ST8SIA2: variants seen among roughly 807,000 people sequenced by gnomAD.
ST8SIA2 encodes the protein alpha-2,8-sialyltransferase 8B.
ST8SIA2 carries 22 observed loss-of-function variants against 37.6 expected under a neutral mutation model. That is an observed-to-expected ratio of 0.58 (90% confidence interval 0.42 to 0.83). The LOEUF is 0.83. Ranked by LOEUF, ST8SIA2 falls within the 40% of genes least tolerant of loss-of-function variation. The pLI is 0.00. For missense variants in ST8SIA2, 382 were observed against 484.7 expected (o/e 0.79, Z 1.99); for synonymous variants, 205 against 201.2 (o/e 1.02, Z -0.16).
chr15:92,445,557 T>C (rs1317525210), intron 5 of ST8SIA2, among the ~76,000 whole-genome samples: 1 of 152,196 alleles, frequency 6.6e-6, no homozygotes. Context: ...AAGGAGCGTC[T>C]CTTAGGATAT....
At chr15:92,437,429 G>C (rs1017126859) in intron 3 of ST8SIA2, among the ~76,000 whole-genome samples, 3 of 152,146 alleles carry the variant, frequency 2.0e-5, no homozygotes. Context: ...TCCTTTCTTT[G>C]TGCTTTGCTA....
At chr15:92,416,772 G>C (rs770294350) in intron 1 of ST8SIA2, among the ~76,000 whole-genome samples, 6 of 152,056 alleles carry the variant, frequency 3.9e-5, no homozygotes, top group Non-Finnish European at 7.4e-5. Context: ...GTGATCTTCG[G>C]ATGTGCCTCT....
chr15:92,462,550 G>GA (rs1420678924), intron 5 of ST8SIA2, among the ~76,000 whole-genome samples: 5 of 152,162 alleles, frequency 3.3e-5, no homozygotes, highest in African/African-American at 1.2e-4. Context: ...TCATCTTTCA[G>GA]CAATATGTAA....
At chr15:92,421,073 C>T (rs2049630047) in intron 1 of ST8SIA2, 1 of 152,192 alleles carries the variant, frequency 6.6e-6, no homozygotes, top group African/African-American at 2.4e-5. Context: ...AGAAGTGCTG[C>T]TTGCTGTCTG....
At chr15:92,434,933 CTCTCGTCCTGA>C (rs1343838633) in intron 3 of ST8SIA2, among the ~76,000 whole-genome samples, 9 of 152,314 alleles carry the variant, frequency 5.9e-5, no homozygotes, top group African/African-American at 2.2e-4. Flanking sequence ...CAGAGAGCAG[CTCTCGTCCTGA>C]TCTGTGCAGA....
In ST8SIA2 at chr15:92,442,405, GGAGTATATTT is replaced by G. The variant is rs142535540; in HGVS notation, c.549-2230_549-2221del. On this transcript the variant is annotated intron_variant, in intron 4 of 5. Transcript: ENST00000268164. ...CCCAGACTGGCCAACATTGCAGTTG[GGAGTATATTT>G]CCTGCTTCACCCCTCGTGAGCCGCC... Among the ~76,000 whole-genome samples, 1,404 of 152,228 alleles carry G rather than the reference GGAGTATATTT, an allele frequency of 9.2e-3. 23 individuals carry two copies. Among genetic ancestry groups the G allele is most frequent in the African/African-American group, 0.032 (1,334 of 41,526 alleles).
In ST8SIA2 at chr15:92,417,718, C is replaced by T. The variant is rs117068420; in HGVS notation, c.99-12331C>T. ...AAGGAAAAATGACATCTGAGGTTAA[C>T]AATGTATCTGCAGTGCAAGGCCCAG... is the stretch of plus-strand genomic sequence containing the variant. On this transcript the variant is annotated intron_variant, in intron 1 of 5. Coordinates refer to ENST00000268164, the MANE Select transcript of ST8SIA2 (RefSeq NM_006011.4). 26 of 152,278 alleles carry T rather than the reference C, an allele frequency of 1.7e-4. No homozygotes were observed. The East Asian group carries it at 4.4e-3, about 26-fold the overall frequency. The allele number at this position is 152,278 out of a possible 1,614,324, so 9.4% of individuals were successfully genotyped here.
At chr15:92,449,593 G>A (rs1446194036) in intron 5 of ST8SIA2, among the ~76,000 whole-genome samples, 8 of 152,210 alleles carry the variant, frequency 5.3e-5, no homozygotes, top group Non-Finnish European at 1.2e-4. Context: ...GCTTTTCACA[G>A]TGGCTGAACT....
At chr15:92,453,608 G>A (rs1188520378) in intron 5 of ST8SIA2, among the ~76,000 whole-genome samples, 1 of 152,176 alleles carries the variant, frequency 6.6e-6, no homozygotes, top group Non-Finnish European at 1.5e-5. Context: ...GGAGGTTGGC[G>A]ATGGCCTTGC....
chr15:92,456,923 C>G (rs889639733), intron 5 of ST8SIA2, among the ~76,000 whole-genome samples: 9 of 152,198 alleles, frequency 5.9e-5, no homozygotes, highest in Non-Finnish European at 1.2e-4. Context: ...CTCAGCATCC[C>G]CATGCCTTGA....
chr15:92,433,210 C>G (rs2049729702), intron 2 of ST8SIA2, among the ~76,000 whole-genome samples: 1 of 151,980 alleles, frequency 6.6e-6, no homozygotes, highest in African/African-American at 2.4e-5. Context: ...TTTAACTTGG[C>G]TGTTTCAAGA....
At chr15:92,401,396 A>C (rs2049470126) in intron 1 of ST8SIA2, among the ~76,000 whole-genome samples, 1 of 152,180 alleles carries the variant, frequency 6.6e-6, no homozygotes, top group African/African-American at 2.4e-5. Context: ...AGTCTCCTGC[A>C]ATTTATCACC....
chr15:92,450,431 A>G (rs1248416172), intron 5 of ST8SIA2, among the ~76,000 whole-genome samples: 1 of 152,216 alleles, frequency 6.6e-6, no homozygotes, highest in Non-Finnish European at 1.5e-5. Flanking sequence ...AAATCCTGAG[A>G]TTGGGTAATT....
chr15:92,434,249 C>T lies in ST8SIA2; in HGVS notation c.164C>T (p.Ala55Val), dbSNP rs1320028526. 6.2e-7 allele frequency: 1 copy of T among 1,613,876 alleles called. No individual in the cohort carries two copies. The highest frequency in any genetic ancestry group is 2.2e-5 in the East Asian group (1 of 44,862). Residue 55 changes from alanine (A) to valine (V), a missense_variant and splice_region_variant, in exon 3 of 6, where the codon GCT becomes GTT. By Grantham distance (64) the Ala-to-Val change is moderately conservative. Coordinates refer to ENST00000268164, the MANE Select transcript of ST8SIA2 (RefSeq NM_006011.4). ...VNSLHSKSNR[A>V]EVVINGSSSP... ...CTTTCTTTTTTTTTCCCTTCCAGAG[C>T]TGAAGTTGTAATAAACGGCTCCTCA...
chr15:92,428,616 T>C (rs2049693528), intron 1 of ST8SIA2, among the ~76,000 whole-genome samples: 1 of 152,144 alleles, frequency 6.6e-6, no homozygotes, highest in Admixed American at 6.5e-5. Flanking sequence ...TGACCCGACA[T>C]TCCCGGACCC....
intron 3 of ST8SIA2, among the ~76,000 whole-genome samples, chr15:92,436,284 A>T (rs2049757981): frequency 6.6e-6 from 1 of 152,096 alleles, no homozygotes; most frequent in Non-Finnish European, 1.5e-5. Flanking sequence ...TCCTGCCAGT[A>T]TGAGCTACCC....
intron 5 of ST8SIA2, 73 bp from the exon 6 acceptor site, chr15:92,464,027 T>G (rs2049974280): frequency 2.0e-6 from 3 of 1,507,724 alleles, no homozygotes; most frequent in East Asian, 4.9e-5. Flanking sequence ...AGGATAAAAT[T>G]TTTGTCTTCC....
At position 92,400,064 on chromosome 15, in the gene ST8SIA2, G is replaced by A. The variant is rs140690436; in HGVS notation, c.98+5902G>A. Reference sequence around the variant, plus strand: ...ATACCTCTGTGCCTTTGCACATCCCGCTCCTGCTCTGTGGAATGCCCTCCT... The same window carrying A: ...ATACCTCTGTGCCTTTGCACATCCCACTCCTGCTCTGTGGAATGCCCTCCT... On this transcript the variant is annotated intron_variant, in intron 1 of 5. Coordinates refer to ENST00000268164, the MANE Select transcript of ST8SIA2 (RefSeq NM_006011.4). 6.3e-3 allele frequency among the ~76,000 whole-genome samples: 958 copies of A among 152,196 alleles called. 38 individuals are homozygous for A. The highest frequency in any genetic ancestry group is 0.049 in the Admixed American group (755 of 15,290).
intron 1 of ST8SIA2, among the ~76,000 whole-genome samples, chr15:92,395,179 G>C (rs973366482): frequency 2.6e-5 from 4 of 152,218 alleles, no homozygotes; most frequent in African/African-American, 9.6e-5. Flanking sequence ...CCCGAGGAGA[G>C]CTTCCTGGCC....
Sources: allele counts gnomAD v4.1 joint callset (sites outside exome capture counted in the v4.1 genomes callset), GRCh38; gene constraint gnomAD v4.1.1; transcripts MANE v1.5; gene names NCBI Gene and HGNC (gene_info 2026-07-23, HGNC 2026-07-21).